LHFPL6: variants seen among roughly 807,000 people sequenced by gnomAD.
LHFPL6 encodes LHFPL tetraspan subfamily member 6 protein.
In LHFPL6, 9 loss-of-function variants were observed where a neutral mutation model predicts 20.6. The ratio of observed to expected loss-of-function variants is 0.44; its 90% CI spans 0.26 to 0.76. The LOEUF is 0.76. Ranked by LOEUF, LHFPL6 falls within the 30% of genes least tolerant of loss-of-function variation. LHFPL6 has a pLI of 0.20. For synonymous variants in LHFPL6, 105 were observed against 98.7 expected (o/e 1.06, Z -0.38); for missense variants, 218 against 253.5 (o/e 0.86, Z 0.95).
At chr13:39,543,446 C>T (rs1870872918) in intron 2 of LHFPL6, among the ~76,000 whole-genome samples, 1 of 152,160 alleles carries the variant, frequency 6.6e-6, no homozygotes, top group Non-Finnish European at 1.5e-5. Context: ...TGTCATGGTG[C>T]TGGCACATAA....
rs139826396 is a variant in LHFPL6 at position 39,480,825 on chromosome 13, A to G, written c.386-102299T>C. 4.3e-3 allele frequency among the ~76,000 whole-genome samples: 658 copies of G among 152,284 alleles called. 5 individuals are homozygous for G. Among genetic ancestry groups the G allele is most frequent in the African/African-American group, 0.015 (623 of 41,552 alleles). On this transcript the variant is annotated intron_variant, in intron 2 of 3. Transcript: ENST00000379589. ...GAAAGAACAAATCTTTGATCTATAG[A>G]ATTTGAAATCATTTTAAGGTCAAAA...
intron 3 of LHFPL6, among the ~76,000 whole-genome samples, chr13:39,377,092 GAC>G (rs1870310263): frequency 6.6e-6 from 1 of 152,116 alleles, no homozygotes; most frequent in Non-Finnish European, 1.5e-5. Context: ...GCAATACAAG[GAC>G]ACAGAGAGGA....
chr13:39,441,886 A>G (rs1352390080), intron 2 of LHFPL6, among the ~76,000 whole-genome samples: 2 of 146,426 alleles, frequency 1.4e-5, no homozygotes, highest in Non-Finnish European at 3.0e-5. Context: ...CTGGAGTGCA[A>G]TGGTGCTGCC....
At chr13:39,538,447 C>T (rs1442091691) in intron 2 of LHFPL6, among the ~76,000 whole-genome samples, 2 of 148,582 alleles carry the variant, frequency 1.3e-5, no homozygotes, top group East Asian at 3.9e-4. Context: ...TGAGATCTAA[C>T]TTCCAGTTTA....
At chr13:39,449,193 C>T (rs1210359982) in intron 2 of LHFPL6, among the ~76,000 whole-genome samples, 1 of 152,190 alleles carries the variant, frequency 6.6e-6, no homozygotes. Flanking sequence ...TTCTGAATGA[C>T]CAGTGATATT....
At position 39,562,507 on chromosome 13, in the gene LHFPL6, T is replaced by C. The variant is rs34699472; in HGVS notation, c.385+38325A>G. Among the ~76,000 whole-genome samples the C allele has an allele frequency of 6.4e-4, 90 of 140,282 alleles. 1 individual carries two copies. The highest frequency in any genetic ancestry group is 1.8e-3 in the African/African-American group (67 of 37,906). The allele number at this position is 140,282 out of a possible 152,430, so 92.0% of individuals were successfully genotyped here. On this transcript the variant is annotated intron_variant, in intron 2 of 3. Coordinates refer to ENST00000379589, the MANE Select transcript of LHFPL6 (RefSeq NM_005780.3). The stretch of plus-strand genomic sequence containing the variant: ...ATATATACACATATACATATATACA[T>C]ATATACATATATACACATATACACA...
chr13:39,410,624 G>A (rs1248790243), intron 2 of LHFPL6, among the ~76,000 whole-genome samples: 2 of 152,106 alleles, frequency 1.3e-5, no homozygotes, highest in African/African-American at 4.8e-5. Context: ...CAAAAAAAAT[G>A]TATGAATAAC....
intron 2 of LHFPL6, among the ~76,000 whole-genome samples, chr13:39,382,479 T>A (rs773859441): frequency 1.7e-4 from 26 of 152,122 alleles, no homozygotes; most frequent in Admixed American, 4.6e-4. Flanking sequence ...CTTGGCTTAC[T>A]CCTGGGTTCA....
intron 2 of LHFPL6, among the ~76,000 whole-genome samples, chr13:39,420,353 G>GT (rs1488037189): frequency 6.6e-6 from 1 of 152,126 alleles, no homozygotes; most frequent in African/African-American, 2.4e-5. Context: ...TCTTCTTTCT[G>GT]TAAGTAGCAA....
chr13:39,587,272 T>A (rs554893435), intron 2 of LHFPL6, among the ~76,000 whole-genome samples: 18 of 152,144 alleles, frequency 1.2e-4, no homozygotes, highest in Non-Finnish European at 2.1e-4. Flanking sequence ...TACCTTGTAG[T>A]AAATCTATTA....
chr13:39,422,012 G>A (rs1871503597), intron 2 of LHFPL6, among the ~76,000 whole-genome samples: 1 of 152,244 alleles, frequency 6.6e-6, no homozygotes, highest in South Asian at 2.1e-4. Context: ...TTTTATTGTT[G>A]CTACCATTAC....
intron 2 of LHFPL6, among the ~76,000 whole-genome samples, chr13:39,479,730 G>C (rs1479522178): frequency 6.6e-6 from 1 of 152,124 alleles, no homozygotes; most frequent in Non-Finnish European, 1.5e-5. Flanking sequence ...ACTAGAAAGG[G>C]AGCTAGACAT....
chr13:39,447,907 T>G (rs1566113698), intron 2 of LHFPL6, among the ~76,000 whole-genome samples: 2 of 152,216 alleles, frequency 1.3e-5, no homozygotes. Flanking sequence ...CTGGGGATGT[T>G]CTTCCATTCC....
chr13:39,358,458 G>A (rs975967503), intron 3 of LHFPL6, among the ~76,000 whole-genome samples: 2 of 152,068 alleles, frequency 1.3e-5, no homozygotes, highest in African/African-American at 2.4e-5. Flanking sequence ...AAAACCTAGT[G>A]AACACCCTTT....
chr13:39,398,469 C>T (rs1431627411), intron 2 of LHFPL6, among the ~76,000 whole-genome samples: 1 of 152,196 alleles, frequency 6.6e-6, no homozygotes, highest in Non-Finnish European at 1.5e-5. Flanking sequence ...AAGGGTAAAG[C>T]CTTTCTGCAA....
intron 2 of LHFPL6, among the ~76,000 whole-genome samples, chr13:39,513,659 G>A (rs1015652579): frequency 7.2e-5 from 11 of 152,258 alleles, no homozygotes; most frequent in African/African-American, 2.6e-4. Context: ...TGTTACCATA[G>A]TTATTCCTCA....
At chr13:39,426,073 T>C (rs1296321649) in intron 2 of LHFPL6, among the ~76,000 whole-genome samples, 1 of 152,188 alleles carries the variant, frequency 6.6e-6, no homozygotes, top group Admixed American at 6.5e-5. Flanking sequence ...TTAAATAGAT[T>C]TGCAATATTA....
At chr13:39,476,862 T>C (rs1020175658) in intron 2 of LHFPL6, among the ~76,000 whole-genome samples, 1 of 152,108 alleles carries the variant, frequency 6.6e-6, no homozygotes, top group Non-Finnish European at 1.5e-5. Flanking sequence ...ACAAAATATG[T>C]GGGTTTTTGG....
chr13:39,583,659 C>T (rs1224029441), intron 2 of LHFPL6, among the ~76,000 whole-genome samples: 1 of 152,228 alleles, frequency 6.6e-6, no homozygotes, highest in Non-Finnish European at 1.5e-5. Context: ...TTCCAGCCAA[C>T]AAACCTTCAA....
Sources: allele counts gnomAD v4.1 joint callset (sites outside exome capture counted in the v4.1 genomes callset), GRCh38; gene constraint gnomAD v4.1.1; transcripts MANE v1.5; gene names NCBI Gene and HGNC (gene_info 2026-07-23, HGNC 2026-07-21).